The following DTNA variants were observed in gnomAD, a reference collection of about 807,000 sequenced individuals.
The protein encoded by DTNA is dystrophin-related protein 3.
In DTNA, 43 loss-of-function variants were observed where a neutral mutation model predicts 100.7. The ratio of observed to expected loss-of-function variants is 0.43; its 90% confidence interval spans 0.33 to 0.55. The LOEUF (loss-of-function observed/expected upper bound fraction) is 0.55, where lower values mean the gene tolerates loss of function less well. Ranked by LOEUF, DTNA falls within the 20% of genes least tolerant of loss-of-function variation. DTNA has a pLI of 0.04. For synonymous variants in DTNA, 349 were observed against 347.9 expected (o/e 1.00, Z -0.04); for missense variants, 798 against 953.9 (o/e 0.84, Z 2.15).
At chr18:34,653,810 A>G (rs1452117576) in intron 1 of DTNA, among the ~76,000 whole-genome samples, 1 of 152,180 alleles carries the variant, frequency 6.6e-6, no homozygotes, top group African/African-American at 2.4e-5. Flanking sequence ...TGACAGAATG[A>G]GACTCCATCT....
intron 1 of DTNA, among the ~76,000 whole-genome samples, chr18:34,733,380 G>T (rs1664554554): frequency 6.6e-6 from 1 of 152,102 alleles, no homozygotes; most frequent in South Asian, 2.1e-4. Flanking sequence ...CTTCCTATCA[G>T]TTTCACTTCT....
At chr18:34,762,965 G>A (rs754690815) in intron 2 of DTNA, among the ~76,000 whole-genome samples, 4 of 152,090 alleles carry the variant, frequency 2.6e-5, no homozygotes, top group African/African-American at 9.7e-5. Flanking sequence ...CACCTTTGCC[G>A]TATTTCCCCC....
At chr18:34,859,785 G>T in intron 16 of DTNA, among the ~76,000 whole-genome samples, 1 of 151,796 alleles carries the variant, frequency 6.6e-6, no homozygotes, top group South Asian at 2.1e-4. Context: ...ACTTCTCAGA[G>T]TCAGAAGCTA....
chr18:34,691,822 A>G (rs915808695), intron 1 of DTNA, among the ~76,000 whole-genome samples: 1 of 152,204 alleles, frequency 6.6e-6, no homozygotes, highest in African/African-American at 2.4e-5. Flanking sequence ...GTACTCTTAC[A>G]TAACTTGCAA....
chr18:34,500,875 G>A (rs959884723), intron 1 of DTNA, among the ~76,000 whole-genome samples: 2 of 152,134 alleles, frequency 1.3e-5, no homozygotes, highest in Non-Finnish European at 2.9e-5. Flanking sequence ...TAACAGATTA[G>A]CTATGTAGAC....
At chr18:34,638,440 A>C (rs1483676404) in intron 1 of DTNA, among the ~76,000 whole-genome samples, 2 of 152,228 alleles carry the variant, frequency 1.3e-5, no homozygotes, top group Admixed American at 1.3e-4. Flanking sequence ...GGCAGAGCTG[A>C]GATTGGAATC....
At chr18:34,569,997 C>T (rs2047437646) in intron 1 of DTNA, among the ~76,000 whole-genome samples, 1 of 152,176 alleles carries the variant, frequency 6.6e-6, no homozygotes, top group Non-Finnish European at 1.5e-5. Flanking sequence ...AACCATATGA[C>T]ACATACGTTC....
At chr18:34,498,819 G>C (rs1390273087) in intron 1 of DTNA, among the ~76,000 whole-genome samples, 2 of 152,156 alleles carry the variant, frequency 1.3e-5, no homozygotes, top group African/African-American at 4.8e-5. Context: ...GCTATAAAAA[G>C]TATGCAAACA....
chr18:34,517,214 G>A (rs1198257165), intron 1 of DTNA, among the ~76,000 whole-genome samples: 4 of 152,054 alleles, frequency 2.6e-5, no homozygotes, highest in African/African-American at 9.7e-5. Context: ...TTGTTGGAAC[G>A]TCTTACACTG....
chr18:34,581,086 A>T (rs2048568534), intron 1 of DTNA, among the ~76,000 whole-genome samples: 1 of 148,896 alleles, frequency 6.7e-6, no homozygotes. Context: ...TCTACTAAAA[A>T]TACAAAAAAA....
At chr18:34,559,298 T>C (rs1277811976) in intron 1 of DTNA, among the ~76,000 whole-genome samples, 1 of 152,256 alleles carries the variant, frequency 6.6e-6, no homozygotes, top group Admixed American at 6.5e-5. Flanking sequence ...TTTCTTACAT[T>C]GCAATTTCGC....
rs556651957 is a variant in DTNA, at chr18:34,697,482, C to T, written c.-1-58494C>T. 7.9e-5 allele frequency among the ~76,000 whole-genome samples: 12 copies of T among 152,228 alleles called. No individual in the cohort carries two copies. The South Asian group carries it at 2.1e-3, about 26-fold the overall frequency. ...GGATAGTTAATCATGGCCTATGATT[C>T]CATTTCCTGAGTAAATTTACTGGGT... On this transcript the variant is annotated intron_variant, in intron 1 of 19. Coordinates refer to the DTNA transcript ENST00000283365.
intron 1 of DTNA, among the ~76,000 whole-genome samples, chr18:34,564,509 G>A (rs887181573): frequency 1.3e-5 from 2 of 152,316 alleles, no homozygotes; most frequent in South Asian, 4.1e-4. Context: ...CTTATTTATT[G>A]TTGGGGAAAA....
At chr18:34,609,196 T>G (rs2849504) in intron 1 of DTNA, among the ~76,000 whole-genome samples, 41,113 of 151,616 alleles carry the variant, frequency 0.27, 7,644 homozygotes, top group African/African-American at 0.52. Context: ...TTGTACAAGA[T>G]AAACTATATA....
chr18:34,777,396 T>C (rs2094115499), intron 3 of DTNA, among the ~76,000 whole-genome samples: 1 of 152,232 alleles, frequency 6.6e-6, no homozygotes, highest in Non-Finnish European at 1.5e-5. Flanking sequence ...CCACTGGAGG[T>C]CTACCTAGTG....
intron 1 of DTNA, among the ~76,000 whole-genome samples, chr18:34,698,782 T>G (rs1408086207): frequency 6.6e-6 from 1 of 152,102 alleles, no homozygotes; most frequent in Admixed American, 6.6e-5. Context: ...TCTTTCCACG[T>G]TCTTTTGCCT....
intron 1 of DTNA, among the ~76,000 whole-genome samples, chr18:34,728,575 A>T (rs1038027531): frequency 6.6e-6 from 1 of 152,300 alleles, no homozygotes; most frequent in South Asian, 2.1e-4. Flanking sequence ...CTCAAAAAAA[A>T]ATAAAAAGGA....
intron 4 of DTNA, among the ~76,000 whole-genome samples, chr18:34,804,947 T>C (rs2095323114): frequency 6.6e-6 from 1 of 152,186 alleles, no homozygotes; most frequent in Admixed American, 6.5e-5. Context: ...AAAACCACGA[T>C]TATTTATATC....
chr18:34,506,143 A>G (rs2040468412), intron 1 of DTNA, among the ~76,000 whole-genome samples: 1 of 152,162 alleles, frequency 6.6e-6, no homozygotes, highest in South Asian at 2.1e-4. Flanking sequence ...TATGTTCCCC[A>G]TGTGGTCTCT....
Sources: allele counts gnomAD v4.1 joint callset (sites outside exome capture counted in the v4.1 genomes callset), GRCh38; gene constraint gnomAD v4.1.1; transcripts MANE v1.5; gene names NCBI Gene and HGNC (gene_info 2026-07-23, HGNC 2026-07-21).